RNF213: variants seen among roughly 807,000 people sequenced by gnomAD.
The protein encoded by RNF213 is E3 ubiquitin-protein ligase RNF213.
RNF213 carries 341 observed loss-of-function variants against 514.4 expected under a neutral mutation model. The observed-to-expected ratio is 0.66, with a 90% confidence interval of 0.61 to 0.73. The LOEUF (loss-of-function observed/expected upper bound fraction) is 0.73, where lower values mean the gene tolerates loss of function less well. Ranked by LOEUF, RNF213 falls within the 30% of genes least tolerant of loss-of-function variation. The pLI, the probability that RNF213 is intolerant of heterozygous loss-of-function variation, is 0.00. For synonymous variants in RNF213, 2,655 were observed against 2,658.2 expected, an observed-to-expected ratio of 1.00 and a Z score of 0.04; for missense variants, 5,767 against 6,615.6, an observed-to-expected ratio of 0.87 and a Z score of 4.45.
rs201022713 is a variant in RNF213, at chr17:80,295,507, G to A, written c.1756-50G>A. On this transcript the variant is annotated intron_variant, in intron 9 of 67. Transcript: ENST00000582970. ...TGCTGGGGCAGCTCTGGACACTGCCGGTGAATTCAAGTCCATGGTTCATGC... is the reference window on the plus strand; with the variant it reads ...TGCTGGGGCAGCTCTGGACACTGCCAGTGAATTCAAGTCCATGGTTCATGC... The A allele has an allele frequency of 7.1e-4, 1,149 of 1,611,392 alleles. 2 individuals are homozygous for A. Among genetic ancestry groups the A allele is most frequent in the Admixed American group, 1.8e-3 (109 of 59,824 alleles).
At chr17:80,295,459 G>A in intron 9 of RNF213, 98 bp from the exon 10 acceptor site, 1 of 1,480,328 alleles carries the variant, frequency 6.8e-7, no homozygotes, top group Non-Finnish European at 9.3e-7. Flanking sequence ...GGGCACGGAT[G>A]GGGTCTGCTG....
At chr17:80,366,002 G>A (rs1239978149) in intron 42 of RNF213, among the ~76,000 whole-genome samples, 1 of 152,196 alleles carries the variant, frequency 6.6e-6, no homozygotes, top group Non-Finnish European at 1.5e-5. Context: ...CTTCCAGTCA[G>A]ATCTCTGTGC....
At chr17:80,315,254 C>G (rs998406933) in intron 15 of RNF213, among the ~76,000 whole-genome samples, 201 of 4,044 alleles carry the variant, frequency 0.05, 10 homozygotes, top group African/African-American at 0.12. Context: ...TGGTGGTGGA[C>G]GTGATGGTGG....
In RNF213 at chr17:80,397,694, G is replaced by A. The variant is rs1161675704; in HGVS notation, c.*4196G>A. 1.3e-5 allele frequency: 2 copies of A among 151,850 alleles called. No individual in the cohort carries two copies. The highest frequency in any genetic ancestry group is 4.8e-5 in the African/African-American group (2 of 41,326). The allele number at this position is 151,850 out of a possible 1,614,324, so 9.4% of individuals were successfully genotyped here. ...TCACTCGGGGAGCTCAGTTGTTGGA[G>A]ACATGAGTCTTGCCGAAGCGCCCGG... is the stretch of plus-strand genomic sequence containing the variant. On this transcript the variant is annotated 3_prime_UTR_variant, in exon 68 of 68. Coordinates refer to ENST00000582970, the MANE Select transcript of RNF213 (RefSeq NM_001256071.3).
intron 20 of RNF213, among the ~76,000 whole-genome samples, chr17:80,330,077 T>C (rs1468436622): frequency 2.6e-5 from 4 of 152,182 alleles, no homozygotes; most frequent in South Asian, 4.1e-4. Context: ...GAACCAAACT[T>C]TCTGCTTAGG....
intron 3 of RNF213, among the ~76,000 whole-genome samples, chr17:80,285,297 T>G (rs1272436814): frequency 6.6e-6 from 1 of 152,136 alleles, no homozygotes; most frequent in South Asian, 2.1e-4. Flanking sequence ...TGCCCAGCCA[T>G]TGTAGCATGG....
chr17:80,388,428 C>T, intron 63 of RNF213, 184 bp from the exon 64 acceptor site: 6 of 629,468 alleles, frequency 9.5e-6, no homozygotes, highest in South Asian at 5.4e-5. Context: ...CCGCTGGATT[C>T]CCGGTTGTGT....
At chr17:80,261,923 G>A (rs541940369) in intron 1 of RNF213, among the ~76,000 whole-genome samples, 6 of 152,192 alleles carry the variant, frequency 3.9e-5, no homozygotes, top group Non-Finnish European at 8.8e-5. Flanking sequence ...AGACTGAGGC[G>A]GGAGAATCGC....
rs781180194 is a variant in RNF213 at position 80,345,325 on chromosome 17, C to T, written c.6990C>T (p.Val2330=). 11 of 1,613,976 alleles carry T rather than the reference C, an allele frequency of 6.8e-6. No individual in the cohort carries two copies. Among genetic ancestry groups the T allele is most frequent in the Admixed American group, 5.0e-5 (3 of 59,998 alleles). ...TGCAGCCCAACATCAACGGCAGTGTCGATGCCATCAGTCACTTGACTGGGA... is the reference window on the plus strand; with the variant it reads ...TGCAGCCCAACATCAACGGCAGTGTTGATGCCATCAGTCACTTGACTGGGA... ...FHLQPNINGS[V]DAISHLTGKV... The change falls in exon 29 of 68, where the codon GTC becomes GTT. Residue 2330 remains valine (V), a synonymous_variant. Transcript: ENST00000582970. The surrounding 1 kb of genome is among the most constrained non-coding windows in gnomAD (Gnocchi z 6.0).
intron 3 of RNF213, among the ~76,000 whole-genome samples, chr17:80,287,290 T>A (rs7215078): frequency 0.42 from 63,772 of 151,910 alleles, 14,297 homozygotes; most frequent in African/African-American, 0.58. Context: ...GAGCCTGAGA[T>A]TTCAAAACCA....
intron 3 of RNF213, among the ~76,000 whole-genome samples, chr17:80,285,415 G>C (rs1046564899): frequency 6.6e-6 from 1 of 152,172 alleles, no homozygotes; most frequent in Non-Finnish European, 1.5e-5. Flanking sequence ...CGGCGTCATC[G>C]CCTCTCCGAG....
chr17:80,267,045 C>T (rs982012281), intron 2 of RNF213, among the ~76,000 whole-genome samples: 17 of 151,868 alleles, frequency 1.1e-4, no homozygotes, highest in African/African-American at 2.7e-4. Flanking sequence ...GGTGAAACCC[C>T]GTCTCTACTA....
At chr17:80,294,407 C>T (rs182011567) in intron 8 of RNF213, among the ~76,000 whole-genome samples, 21 of 152,182 alleles carry the variant, frequency 1.4e-4, no homozygotes, top group Non-Finnish European at 2.4e-4. Flanking sequence ...AGTTGTTGAT[C>T]AAGTTTGCTG....
At position 80,348,244 on chromosome 17, in the gene RNF213, C is replaced by T; in HGVS notation, c.9909C>T (p.His3303=). The change falls in exon 29 of 68, where the codon CAC becomes CAT. Residue 3303 remains histidine (H), a synonymous_variant. Coordinates refer to ENST00000582970, the MANE Select transcript of RNF213 (RefSeq NM_001256071.3). ...CCTTTGCAGATTTCCTTCAGGCACA[C>T]CTGCACACGGCAGACCTGGAGCGCC... The part of the protein sequence containing the change: ...HNSFADFLQA[H]LHTADLERHA... The T allele has an allele frequency of 1.2e-6, 2 of 1,614,014 alleles. No homozygotes were observed. The highest frequency in any genetic ancestry group is 1.7e-6 in the Non-Finnish European group (2 of 1,180,050).
intron 2 of RNF213, among the ~76,000 whole-genome samples, chr17:80,269,054 G>A (rs1282399176): frequency 6.6e-6 from 1 of 152,188 alleles, no homozygotes; most frequent in East Asian, 1.9e-4. Flanking sequence ...CCAAGGGCAA[G>A]AGGAACGTGA....
chr17:80,363,542 G>T, intron 40 of RNF213, 67 bp from the exon 41 acceptor site: 1 of 1,564,064 alleles, frequency 6.4e-7, no homozygotes, highest in Admixed American at 1.7e-5. Flanking sequence ...GCAGCTAACA[G>T]CCGGGGCCTC....
At chr17:80,285,496 G>A (rs544540215) in intron 3 of RNF213, among the ~76,000 whole-genome samples, 2 of 152,342 alleles carry the variant, frequency 1.3e-5, no homozygotes, top group Non-Finnish European at 2.9e-5. Flanking sequence ...ATGGGTGCCT[G>A]CAGTGAAGGG....
chr17:80,367,647 G>A (rs1006824120), intron 42 of RNF213, 101 bp from the exon 43 acceptor site: 17 of 853,198 alleles, frequency 2.0e-5, no homozygotes, highest in African/African-American at 1.2e-4. Flanking sequence ...CCACACACAC[G>A]GCGCAGCCTT....
chr17:80,337,440 TG>T, intron 23 of RNF213, 145 bp from the exon 24 acceptor site: 1 of 1,037,066 alleles, frequency 9.6e-7, no homozygotes, highest in Non-Finnish European at 1.4e-6. Flanking sequence ...GCTGGGGCGC[TG>T]GGTGGGCGAC....
Sources: allele counts gnomAD v4.1 joint callset (sites outside exome capture counted in the v4.1 genomes callset), GRCh38; gene constraint gnomAD v4.1.1; non-coding constraint Gnocchi (gnomAD v3.1); transcripts MANE v1.5; gene names NCBI Gene and HGNC (gene_info 2026-07-23, HGNC 2026-07-21).